STON2: variants seen among roughly 807,000 people sequenced by gnomAD.
The protein encoded by STON2 is stonin 2.
Under a neutral mutation model 65.7 loss-of-function variants are expected in STON2, and 29 were observed. That is an observed-to-expected ratio of 0.44 (90% confidence interval 0.33 to 0.60). The LOEUF is 0.60. STON2 is among the 20% of genes least tolerant of loss of function. The pLI is 0.03. For missense variants in STON2, 1,054 were observed against 1,118.1 expected, an observed-to-expected ratio of 0.94 and a Z score of 0.82; for synonymous variants, 404 against 414.2, an observed-to-expected ratio of 0.98 and a Z score of 0.30.
intron 5 of STON2, among the ~76,000 whole-genome samples, chr14:81,322,793 ACT>A (rs1257733526): frequency 6.6e-6 from 1 of 152,232 alleles, no homozygotes; most frequent in Non-Finnish European, 1.5e-5. Context: ...ATCTTGGTAC[ACT>A]GTGTTTTAGG....
Position 81,374,401 on chromosome 14 carries a change from AAAT to A in STON2, c.374-3219_374-3217del, listed in dbSNP as rs373281225. ...TAAGTTGATGTGCACATGGCAGAAA[AAAT>A]AATAAATAATAAATAAATAAATCAC... On this transcript the variant is annotated intron_variant, in intron 3 of 7. Transcript: ENST00000614646. Among the ~76,000 whole-genome samples, 88 of 152,108 alleles carry A rather than the reference AAAT, an allele frequency of 5.8e-4. 2 individuals carry two copies. In the South Asian group the frequency reaches 0.016, roughly 28 times the overall value.
At chr14:81,387,954 T>C (rs1259355952) in intron 3 of STON2, among the ~76,000 whole-genome samples, 8 of 136,488 alleles carry the variant, frequency 5.9e-5, no homozygotes, top group East Asian at 2.2e-4. Flanking sequence ...CTTTTCTTTT[T>C]TTTTTTTTTT....
At chr14:81,303,989 T>C (rs952228100) in intron 5 of STON2, among the ~76,000 whole-genome samples, 3 of 152,136 alleles carry the variant, frequency 2.0e-5, no homozygotes, top group African/African-American at 7.2e-5. Context: ...ATAATGACTA[T>C]CCTGACTTTT....
intron 5 of STON2, among the ~76,000 whole-genome samples, chr14:81,311,972 C>G (rs1418014141): frequency 6.6e-6 from 1 of 152,204 alleles, no homozygotes; most frequent in East Asian, 1.9e-4. Context: ...TTAGCCAACA[C>G]GGCATGTCTC....
chr14:81,429,518 C>T (rs548272711), intron 1 of STON2, among the ~76,000 whole-genome samples: 25 of 152,314 alleles, frequency 1.6e-4, no homozygotes, highest in Non-Finnish European at 2.6e-4. Flanking sequence ...TATTCACCTA[C>T]TAATAAATCA....
intron 6 of STON2, among the ~76,000 whole-genome samples, chr14:81,274,380 T>C (rs527361344): frequency 1.3e-5 from 2 of 152,310 alleles, no homozygotes; most frequent in South Asian, 2.1e-4. Context: ...GAAACAGATA[T>C]GTAAAACAGC....
At chr14:81,312,452 T>C (rs1434386113) in intron 5 of STON2, among the ~76,000 whole-genome samples, 1 of 152,252 alleles carries the variant, frequency 6.6e-6, no homozygotes, top group African/African-American at 2.4e-5. Context: ...GGAGAGCTTA[T>C]GCTTTCTACT....
intron 5 of STON2, among the ~76,000 whole-genome samples, chr14:81,285,927 C>G (rs139483276): frequency 3.5e-4 from 53 of 152,290 alleles, no homozygotes; most frequent in African/African-American, 1.2e-3. Context: ...GCGGGTGGAT[C>G]ACTTGAGGTC....
chr14:81,277,216 C>A lies in STON2; in HGVS notation c.2266G>T (p.Ala756Ser). Residue 756 changes from alanine (A) to serine (S), a missense_variant, in exon 6 of 8, where the codon GCA becomes TCA. Physicochemically the swap from Ala to Ser is moderately conservative, Grantham distance 99. Coordinates refer to ENST00000614646, the MANE Select transcript of STON2 (RefSeq NM_001394390.1). ...AGCCAGCTCTGCACCTCCACCTCTG[C>A]CCCATTGACACTTGTGGCCGTCCTG... ...TLRTATSVNG[A>S]EVEVQSWLRM... The A allele has an allele frequency of 6.2e-7, 1 of 1,614,212 alleles. No individual in the cohort carries two copies. The highest frequency in any genetic ancestry group is 8.5e-7 in the Non-Finnish European group (1 of 1,180,042).
At chr14:81,353,445 T>C (rs8015627) in intron 4 of STON2, among the ~76,000 whole-genome samples, 4,609 of 152,090 alleles carry the variant, frequency 0.03, 244 homozygotes, top group African/African-American at 0.1. Flanking sequence ...CTAGCAACTA[T>C]CCATAGACAG....
At chr14:81,311,884 CAATT>C (rs1896440308) in intron 5 of STON2, among the ~76,000 whole-genome samples, 1 of 152,134 alleles carries the variant, frequency 6.6e-6, no homozygotes, top group South Asian at 2.1e-4. Context: ...GAAGGTTGGC[CAATT>C]AATATTGCCC....
intron 4 of STON2, among the ~76,000 whole-genome samples, chr14:81,339,851 A>T (rs1034080097): frequency 2.0e-5 from 3 of 152,158 alleles, no homozygotes; most frequent in African/African-American, 7.2e-5. Flanking sequence ...AATATAGATG[A>T]CTCTCAAAAT....
intron 2 of STON2, among the ~76,000 whole-genome samples, chr14:81,426,014 T>C (rs1239497660): frequency 1.3e-5 from 2 of 152,202 alleles, no homozygotes; most frequent in Non-Finnish European, 2.9e-5. Context: ...TTTTAACAAA[T>C]TTACATGAAC....
intron 5 of STON2, among the ~76,000 whole-genome samples, chr14:81,287,959 T>A (rs1254179035): frequency 6.6e-6 from 1 of 152,196 alleles, no homozygotes. Context: ...GACACCTTGC[T>A]GTGGTCTGAT....
intron 2 of STON2, among the ~76,000 whole-genome samples, chr14:81,410,527 G>T (rs563528723): frequency 6.6e-6 from 1 of 152,210 alleles, no homozygotes; most frequent in African/African-American, 2.4e-5. Flanking sequence ...CAACCACAAG[G>T]AGCTGAACTC....
intron 7 of STON2, chr14:81,270,417 T>A (rs535859254): frequency 7.1e-7 from 1 of 1,409,318 alleles, no homozygotes; most frequent in African/African-American, 1.4e-5. Flanking sequence ...TTGCTCATAA[T>A]GACAGAAAGA....
chr14:81,369,933 C>A (rs745493691), intron 4 of STON2, among the ~76,000 whole-genome samples: 33 of 152,192 alleles, frequency 2.2e-4, no homozygotes, highest in Middle Eastern at 3.2e-3. Context: ...CCAGGATCAT[C>A]AGTCACAGAG....
At chr14:81,422,162 G>A (rs866000158) in intron 2 of STON2, among the ~76,000 whole-genome samples, 1 of 152,164 alleles carries the variant, frequency 6.6e-6, no homozygotes, top group African/African-American at 2.4e-5. Context: ...TGGTGGTGGG[G>A]CTCAGTAAGA....
At chr14:81,391,070 A>G (rs1047531281) in intron 3 of STON2, among the ~76,000 whole-genome samples, 1 of 152,210 alleles carries the variant, frequency 6.6e-6, no homozygotes, top group Non-Finnish European at 1.5e-5. Flanking sequence ...TAAGGCCCAC[A>G]GATAATCCAG....
Sources: allele counts gnomAD v4.1 joint callset (sites outside exome capture counted in the v4.1 genomes callset), GRCh38; gene constraint gnomAD v4.1.1; transcripts MANE v1.5; gene names NCBI Gene and HGNC (gene_info 2026-07-23, HGNC 2026-07-21).